Variants in GABRG3 observed in about 807,000 individuals in gnomAD.
The protein encoded by GABRG3 is gamma-aminobutyric acid type A receptor subunit gamma3.
GABRG3 carries 25 observed loss-of-function variants against 48.8 expected under a neutral mutation model. The ratio of observed to expected loss-of-function variants is 0.51; its 90% CI spans 0.37 to 0.72. GABRG3 has a LOEUF of 0.72. GABRG3 is among the 30% of genes least tolerant of loss of function. GABRG3 has a pLI of 0.00. For missense variants in GABRG3, 394 were observed against 577.9 expected, an observed-to-expected ratio of 0.68 and a Z score of 3.26; for synonymous variants, 227 against 217.6, an observed-to-expected ratio of 1.04 and a Z score of -0.38.
chr15:27,419,874 A>T (rs1348336596), intron 5 of GABRG3, among the ~76,000 whole-genome samples: 3 of 152,222 alleles, frequency 2.0e-5, no homozygotes, highest in Non-Finnish European at 4.4e-5. Flanking sequence ...TTGCTGACAA[A>T]AATGTATAGG....
intron 3 of GABRG3, among the ~76,000 whole-genome samples, chr15:27,262,317 A>C (rs928236757): frequency 2.6e-5 from 4 of 152,234 alleles, no homozygotes; most frequent in African/African-American, 9.6e-5. Flanking sequence ...TCTTTAAACA[A>C]GATCCCTCTC....
chr15:27,354,972 G>T (rs1019941205), intron 5 of GABRG3, among the ~76,000 whole-genome samples: 2 of 152,134 alleles, frequency 1.3e-5, no homozygotes, highest in South Asian at 2.1e-4. Context: ...GTGCTTTCTG[G>T]TTCTAATCGG....
rs539663458 is a variant in GABRG3, at chr15:27,312,429, C to T, written c.271-14380C>T. On this transcript the variant is annotated intron_variant, in intron 3 of 9. Coordinates refer to ENST00000615808, the MANE Select transcript of GABRG3 (RefSeq NM_033223.5). ...TTCTAAATCTGAAGATGGAAATGGT[C>T]TAGATCCAGGAAACCCAAATGACAA... Among the ~76,000 whole-genome samples the T allele has an allele frequency of 7.9e-5, 12 of 152,130 alleles. No homozygotes were observed. The South Asian group carries it at 2.5e-3, about 32-fold the overall frequency.
intron 3 of GABRG3, among the ~76,000 whole-genome samples, chr15:27,032,987 A>G (rs1896111990): frequency 7.1e-6 from 1 of 141,774 alleles, no homozygotes; most frequent in Non-Finnish European, 1.6e-5. Flanking sequence ...AAATGGCTGA[A>G]AATACAGCCC....
chr15:27,026,914 G>A (rs143110788), intron 3 of GABRG3, 93 bp downstream of exon 3: 65 of 801,538 alleles, frequency 8.1e-5, no homozygotes, highest in African/African-American at 7.7e-4. Flanking sequence ...TTATCATGCC[G>A]GTTTAAAACT....
At chr15:27,412,348 T>A (rs113752704) in intron 5 of GABRG3, among the ~76,000 whole-genome samples, 103 of 152,242 alleles carry the variant, frequency 6.8e-4, no homozygotes, top group African/African-American at 2.4e-3. Flanking sequence ...ATTCACTCCC[T>A]CCTGTCCTTG....
intron 6 of GABRG3, among the ~76,000 whole-genome samples, chr15:27,497,570 G>A (rs777678867): frequency 7.2e-5 from 11 of 152,132 alleles, no homozygotes; most frequent in African/African-American, 1.2e-4. Flanking sequence ...ATTCTTAAAT[G>A]AGAAAATTTT....
intron 3 of GABRG3, among the ~76,000 whole-genome samples, chr15:27,285,801 G>A (rs1891590281): frequency 6.6e-6 from 1 of 152,114 alleles, no homozygotes; most frequent in Admixed American, 6.6e-5. Context: ...CATCCACAAG[G>A]CAGACTGGCT....
chr15:27,166,004 G>T (rs1566952411), intron 3 of GABRG3, among the ~76,000 whole-genome samples: 2 of 152,170 alleles, frequency 1.3e-5, no homozygotes, highest in Non-Finnish European at 2.9e-5. Context: ...GTGGGATGGG[G>T]TGGGATGCAG....
chr15:27,396,955 G>A (rs1887317580), intron 5 of GABRG3, among the ~76,000 whole-genome samples: 1 of 152,150 alleles, frequency 6.6e-6, no homozygotes, highest in Admixed American at 6.5e-5. Context: ...AAATGGGGAG[G>A]GGTATTATCA....
intron 5 of GABRG3, among the ~76,000 whole-genome samples, chr15:27,475,897 G>T (rs532903020): frequency 1.3e-5 from 2 of 152,200 alleles, no homozygotes; most frequent in East Asian, 1.9e-4. Context: ...GTGATGTGGT[G>T]GTGGTGACTG....
chr15:27,275,532 T>C (rs759877578), intron 3 of GABRG3, among the ~76,000 whole-genome samples: 5 of 152,094 alleles, frequency 3.3e-5, no homozygotes, highest in Non-Finnish European at 7.4e-5. Context: ...TCCAGGAAAG[T>C]TCATCCCCCT....
intron 2 of GABRG3, among the ~76,000 whole-genome samples, chr15:27,015,245 T>C (rs1247033353): frequency 6.6e-6 from 1 of 152,150 alleles, no homozygotes; most frequent in Admixed American, 6.5e-5. Flanking sequence ...TTAATTAGGG[T>C]TGTAATCCAT....
rs533569391 is a variant in GABRG3, at chr15:27,092,708, G to T, written c.270+65887G>T. 1.1e-3 allele frequency among the ~76,000 whole-genome samples: 161 copies of T among 152,310 alleles called. 1 individual carries two copies. Among genetic ancestry groups the T allele is most frequent in the Non-Finnish European group, 1.7e-3 (119 of 68,032 alleles). On this transcript the variant is annotated intron_variant, in intron 3 of 9. Transcript: ENST00000615808. ...TATCAAATATGTGTTTGCTTTGTGT[G>T]CAAGTTGAATTACAGAGTTTTCAGA...
chr15:27,001,769 C>T (rs1295228284), intron 2 of GABRG3, among the ~76,000 whole-genome samples: 1 of 152,082 alleles, frequency 6.6e-6, no homozygotes, highest in Non-Finnish European at 1.5e-5. Context: ...TGACCTTTCT[C>T]CAGTGGTTTG....
chr15:27,212,175 C>G (rs1170189793), intron 3 of GABRG3, among the ~76,000 whole-genome samples: 1 of 152,150 alleles, frequency 6.6e-6, no homozygotes, highest in Admixed American at 6.5e-5. Flanking sequence ...CCTGTCTTCC[C>G]AGGACCTAAA....
At chr15:27,469,143 C>G (rs1477185771) in intron 5 of GABRG3, among the ~76,000 whole-genome samples, 1 of 152,144 alleles carries the variant, frequency 6.6e-6, no homozygotes, top group Non-Finnish European at 1.5e-5. Flanking sequence ...CATTAGCTAC[C>G]TCTAACAGAC....
At chr15:27,235,233 G>A (rs1468277130) in intron 3 of GABRG3, among the ~76,000 whole-genome samples, 2 of 152,136 alleles carry the variant, frequency 1.3e-5, no homozygotes, top group Non-Finnish European at 2.9e-5. Flanking sequence ...CGCCAAACCA[G>A]AAAAAGGTGT....
In GABRG3 at chr15:27,035,591, A is replaced by G. The variant is rs543381708; in HGVS notation, c.270+8770A>G. On this transcript the variant is annotated intron_variant, in intron 3 of 9. Coordinates refer to ENST00000615808, the MANE Select transcript of GABRG3 (RefSeq NM_033223.5). ...GTGGGGCTGTTGGGTTGGGCCCCCT[A>G]TTAGCACATTTGAAGAAACTCTCCC... 3.4e-4 allele frequency among the ~76,000 whole-genome samples: 51 copies of G among 152,222 alleles called. No individual in the cohort carries two copies. In the East Asian group the frequency reaches 7.2e-3, roughly 21 times the overall value.
Sources: allele counts gnomAD v4.1 joint callset (sites outside exome capture counted in the v4.1 genomes callset), GRCh38; gene constraint gnomAD v4.1.1; transcripts MANE v1.5; gene names NCBI Gene and HGNC (gene_info 2026-07-23, HGNC 2026-07-21).